Variants in MYO18A observed in about 807,000 individuals in gnomAD.
MYO18A encodes unconventional myosin-XVIIIa.
Under a neutral mutation model 235.8 loss-of-function variants are expected in MYO18A, and 78 were observed. The observed-to-expected ratio is 0.33, with a 90% CI of 0.28 to 0.40. The LOEUF (loss-of-function observed/expected upper bound fraction) is 0.40. Ranked by LOEUF, MYO18A falls within the 10% of genes least tolerant of loss-of-function variation. The pLI, the probability that MYO18A is intolerant of heterozygous loss-of-function variation, is 1.00. For synonymous variants in MYO18A, 977 were observed against 1,077.8 expected (o/e 0.91, Z 1.83); for missense variants, 2,215 against 2,699.3 (o/e 0.82, Z 3.98).
At chr17:29,107,915 CAA>C (rs34077783) in intron 19 of MYO18A, among the ~76,000 whole-genome samples, 9,429 of 76,252 alleles carry the variant, frequency 0.12, 378 homozygotes, top group South Asian at 0.25. Context: ...GACTGTGTCT[CAA>C]AAAAAAAAAA....
intron 1 of MYO18A, among the ~76,000 whole-genome samples, chr17:29,173,939 C>A (rs2152989592): frequency 6.6e-6 from 1 of 152,082 alleles, no homozygotes; most frequent in African/African-American, 2.4e-5. Context: ...TACTGGCTAA[C>A]TTTTTAAAAA....
Position 29,140,497 on chromosome 17 carries a change from G to T in MYO18A, c.1000-18244C>A. 9.2e-7 allele frequency: 1 copy of T among 1,083,946 alleles called. No individual in the cohort carries two copies. Among genetic ancestry groups the T allele is most frequent in the Non-Finnish European group, 1.2e-6 (1 of 851,590 alleles). The allele number at this position is 1,083,946 out of a possible 1,614,324, so 67.1% of individuals were successfully genotyped here. A position where few individuals can be genotyped will look rare whatever the true frequency, so the allele number is the denominator to read the frequency against. On this transcript the variant is annotated intron_variant, in intron 2 of 41. Coordinates refer to ENST00000527372, the MANE Select transcript of MYO18A (RefSeq NM_078471.4). This position sits in a 1 kb window ranked among gnomAD's most constrained non-coding sequence, Gnocchi z 4.2. ...CCCGAGCTGCCCAGCCCTAGTTGGA[G>T]CCAGCAGCCCGGAGGACTTCGGGTA...
chr17:29,110,160 G>A, intron 18 of MYO18A, 59 bp from the exon 19 acceptor site: 2 of 1,576,876 alleles, frequency 1.3e-6, no homozygotes, highest in Non-Finnish European at 1.7e-6. Context: ...CAGAAGAGCA[G>A]GGACTGGTGC....
chr17:29,156,002 G>GT (rs564470102), intron 2 of MYO18A, among the ~76,000 whole-genome samples: 91 of 152,338 alleles, frequency 6.0e-4, no homozygotes, highest in African/African-American at 2.1e-3. Flanking sequence ...CAGAGGGGAT[G>GT]GGAGCTGAGC....
chr17:29,088,029 T>A (rs1598278614), intron 37 of MYO18A, among the ~76,000 whole-genome samples: 1 of 151,568 alleles, frequency 6.6e-6, no homozygotes, highest in East Asian at 1.9e-4. Flanking sequence ...CAGCCTGGGG[T>A]TGGGGTGGGC....
intron 21 of MYO18A, among the ~76,000 whole-genome samples, chr17:29,099,977 G>A (rs1598300631): frequency 6.6e-6 from 1 of 152,152 alleles, no homozygotes; most frequent in Non-Finnish European, 1.5e-5. Context: ...TTTTGGCAGG[G>A]GAGGGGTAAG....
Position 29,111,993 on chromosome 17 carries a change from G to C in MYO18A, c.2599-130C>G. On this transcript the variant is annotated intron_variant, in intron 15 of 41. Transcript: ENST00000527372. The surrounding 1 kb of genome is among the most constrained non-coding windows in gnomAD (Gnocchi z 5.1). ...CACATGCACACACGCACATGCCGCA[G>C]CTCCTGCCGCTCACTGCTGACACCT... 1 of 1,175,264 alleles carries C rather than the reference G, an allele frequency of 8.5e-7. No homozygotes were observed. Among genetic ancestry groups the C allele is most frequent in the African/African-American group, 1.5e-5 (1 of 65,050 alleles). The allele number at this position is 1,175,264 out of a possible 1,614,324, so 72.8% of individuals were successfully genotyped here.
rs1490257678 is a variant in MYO18A at position 29,072,255 on chromosome 17, G to A, written c.*2515C>T. ...AAAAAAGTAACTTAGGCCAGGCACA[G>A]TGGCTCATGCCTATAATCCTAGCAC... is the stretch of plus-strand genomic sequence containing the variant. On this transcript the variant is annotated 3_prime_UTR_variant, in exon 42 of 42. Transcript: ENST00000527372. 1 of 140,110 alleles carries A rather than the reference G, an allele frequency of 7.1e-6. No homozygotes were observed. Among genetic ancestry groups the A allele is most frequent in the Non-Finnish European group, 1.5e-5 (1 of 66,580 alleles). 8.7% of individuals were successfully genotyped at this position (140,110 alleles called of 1,614,324 possible). A position where few individuals can be genotyped will look rare whatever the true frequency, so the allele number is the denominator to read the frequency against.
chr17:29,166,277 C>T lies in MYO18A; in HGVS notation c.664G>A (p.Glu222Lys), dbSNP rs753140998. 8 of 1,612,762 alleles carry T rather than the reference C, an allele frequency of 5.0e-6. No homozygotes were observed. The East Asian group carries it at 1.1e-4, about 22-fold the overall frequency. The change falls in exon 2 of 42, where the codon GAG (glutamate) becomes AAG (lysine). Residue 222 changes from glutamate (E) to lysine (K), a missense_variant. Transcript: ENST00000527372. ...PLPPPTLREL[E>K]LQRRPTGDFG... Reference sequence around the variant, plus strand: ...TCTCCAGTGGGCCGTCGTTGCAGCTCCAGCTCCCGGAGGGTAGGTGGGGGC... The same window carrying T: ...TCTCCAGTGGGCCGTCGTTGCAGCTTCAGCTCCCGGAGGGTAGGTGGGGGC...
In MYO18A at chr17:29,122,268, G is replaced by T; in HGVS notation, c.1000-15C>A. The T allele has an allele frequency of 6.2e-7, 1 of 1,604,206 alleles. No homozygotes were observed. Among genetic ancestry groups the T allele is most frequent in the Non-Finnish European group, 8.5e-7 (1 of 1,175,076 alleles). On this transcript the variant is annotated splice_polypyrimidine_tract_variant and intron_variant, in intron 2 of 41. Coordinates refer to ENST00000527372, the MANE Select transcript of MYO18A (RefSeq NM_078471.4). The stretch of plus-strand genomic sequence containing the variant: ...TCTGTTTTCGCCTGTCAGAGAGAGA[G>T]AAGAATAAACAGGCCCTGCTATGGA...
At chr17:29,176,880 G>T (rs1463116265) in intron 1 of MYO18A, 1 of 152,124 alleles carries the variant, frequency 6.6e-6, no homozygotes, top group African/African-American at 2.4e-5. Context: ...TTTCCCCGCG[G>T]CTGGGCCGGC....
chr17:29,111,407 G>A lies in MYO18A; in HGVS notation c.2900+17C>T. On this transcript the variant is annotated intron_variant, in intron 17 of 41. Coordinates refer to ENST00000527372, the MANE Select transcript of MYO18A (RefSeq NM_078471.4). The surrounding 1 kb of genome is among the most constrained non-coding windows in gnomAD (Gnocchi z 5.1). ...GTCCTGGGTACAGAACAGGGGCGGA[G>A]GGAGTGGTGGTCTTACTTCTGGGAG... The A allele has an allele frequency of 6.2e-7, 1 of 1,610,258 alleles. No individual in the cohort carries two copies. The highest frequency in any genetic ancestry group is 2.2e-5 in the East Asian group (1 of 44,784).
Position 29,166,610 on chromosome 17 carries a change from C to T in MYO18A, c.331G>A (p.Gly111Ser). Reference sequence around the variant, plus strand: ...TGCAGCACCGAGCCACGGAAGCTACCCTCCTCACCCTTGAGGTCATCGCTG... The same window carrying T: ...TGCAGCACCGAGCCACGGAAGCTACTCTCCTCACCCTTGAGGTCATCGCTG... ...SSSDDLKGEEGSFRGSVLQRA... is the reference protein window; with the variant it reads ...SSSDDLKGEESSFRGSVLQRA... Residue 111 changes from glycine (G) to serine (S), a missense_variant, in exon 2 of 42, where the codon GGT becomes AGT. Transcript: ENST00000527372. 1 of 1,613,886 alleles carries T rather than the reference C, an allele frequency of 6.2e-7. No individual in the cohort carries two copies.
chr17:29,083,559 C>CACACACACACA (rs1555622345), intron 40 of MYO18A, among the ~76,000 whole-genome samples: 1 of 151,064 alleles, frequency 6.6e-6, no homozygotes, highest in African/African-American at 2.4e-5. Context: ...CACACACACA[C>CACACACACACA]GAAACCAGCA....
At position 29,109,835 on chromosome 17, in the gene MYO18A, G is replaced by A. The variant is rs1318595998; in HGVS notation, c.3331+23C>T. 1.3e-6 allele frequency: 2 copies of A among 1,545,728 alleles called. No homozygotes were observed. Among genetic ancestry groups the A allele is most frequent in the South Asian group, 1.2e-5 (1 of 83,942 alleles). ...CCAGCTCTGGAAAAGAGAGCCCAGA[G>A]TGGAGAGGAAAGGAGGCCCCACCTT... On this transcript the variant is annotated intron_variant, in intron 19 of 41. Transcript: ENST00000527372. The surrounding 1 kb of genome is among the most constrained non-coding windows in gnomAD (Gnocchi z 4.1).
Position 29,109,506 on chromosome 17 carries a change from G to A in MYO18A, c.3331+352C>T, listed in dbSNP as rs1056375600. Among the ~76,000 whole-genome samples, 3 of 152,196 alleles carry A rather than the reference G, an allele frequency of 2.0e-5. No homozygotes were observed. The highest frequency in any genetic ancestry group is 7.2e-5 in the African/African-American group (3 of 41,432). ...CATTTCTCACTGGGCAGATGGCTCC[G>A]AAAGGGCACTGGGTTTGCTGCTGTG... On this transcript the variant is annotated intron_variant, in intron 19 of 41. Coordinates refer to ENST00000527372, the MANE Select transcript of MYO18A (RefSeq NM_078471.4). This position sits in a 1 kb window ranked among gnomAD's most constrained non-coding sequence, Gnocchi z 4.1.
rs1274797756 is a variant in MYO18A at position 29,111,929 on chromosome 17, C to T, written c.2599-66G>A. On this transcript the variant is annotated intron_variant, in intron 15 of 41. Transcript: ENST00000527372. This position sits in a 1 kb window ranked among gnomAD's most constrained non-coding sequence, Gnocchi z 5.1. ...TGTGGGAAAGGGGCCAGGGTGGTGCCGGGCCCAAACACACCCTACAGAATG... is the reference window on the plus strand; with the variant it reads ...TGTGGGAAAGGGGCCAGGGTGGTGCTGGGCCCAAACACACCCTACAGAATG... 4.5e-6 allele frequency: 7 copies of T among 1,549,638 alleles called. No individual in the cohort carries two copies. Among genetic ancestry groups the T allele is most frequent in the Middle Eastern group, 1.8e-4 (1 of 5,438 alleles).
At chr17:29,151,830 A>G (rs1281555540) in intron 2 of MYO18A, among the ~76,000 whole-genome samples, 1 of 152,162 alleles carries the variant, frequency 6.6e-6, no homozygotes, top group East Asian at 1.9e-4. Flanking sequence ...AACAGCAAAT[A>G]AGGCCAATGA....
At chr17:29,147,245 G>C (rs955177343) in intron 2 of MYO18A, among the ~76,000 whole-genome samples, 1 of 152,196 alleles carries the variant, frequency 6.6e-6, no homozygotes, top group African/African-American at 2.4e-5. Context: ...GGTCAGGCAT[G>C]GTGGCTTATT....
Sources: allele counts gnomAD v4.1 joint callset (sites outside exome capture counted in the v4.1 genomes callset), GRCh38; gene constraint gnomAD v4.1.1; non-coding constraint Gnocchi (gnomAD v3.1); transcripts MANE v1.5; gene names NCBI Gene and HGNC (gene_info 2026-07-23, HGNC 2026-07-21).